Variants in FMN2 observed in about 807,000 individuals in gnomAD.
The protein encoded by FMN2 is formin 2.
Under a neutral mutation model 142.3 loss-of-function variants are expected in FMN2, and 51 were observed. The observed-to-expected ratio is 0.36, with a 90% CI of 0.29 to 0.45. The LOEUF is 0.45. Among genes scored for constraint, FMN2 ranks in the 20% least tolerant of loss-of-function variants. FMN2 has a pLI of 1.00. For synonymous variants in FMN2, 882 were observed against 869.8 expected, an observed-to-expected ratio of 1.01 and a Z score of -0.25; for missense variants, 1,936 against 2,122.8, an observed-to-expected ratio of 0.91 and a Z score of 1.73.
chr1:240,270,040 G>T (rs1237510959), intron 7 of FMN2, among the ~76,000 whole-genome samples: 1 of 151,856 alleles, frequency 6.6e-6, no homozygotes, highest in Non-Finnish European at 1.5e-5. Context: ...TTGCCTAATT[G>T]CTCTGGCTAG....
At chr1:240,098,973 C>T (rs541158337) in intron 1 of FMN2, among the ~76,000 whole-genome samples, 11 of 152,200 alleles carry the variant, frequency 7.2e-5, no homozygotes, top group African/African-American at 2.4e-4. Flanking sequence ...ATTCTAACTA[C>T]GTTTATTCTA....
intron 14 of FMN2, among the ~76,000 whole-genome samples, chr1:240,379,450 G>A (rs1673153737): frequency 6.6e-6 from 1 of 152,060 alleles, no homozygotes; most frequent in Non-Finnish European, 1.5e-5. Flanking sequence ...TTTCTGCAAA[G>A]TATTTCCTCT....
chr1:240,168,521 G>T (rs1664572700), intron 2 of FMN2, among the ~76,000 whole-genome samples: 2 of 152,132 alleles, frequency 1.3e-5, no homozygotes, highest in African/African-American at 4.8e-5. Context: ...CTCAGGAATT[G>T]AAGGCTACAG....
At chr1:240,238,152 AC>A (rs1667769994) in intron 6 of FMN2, among the ~76,000 whole-genome samples, 1 of 152,212 alleles carries the variant, frequency 6.6e-6, no homozygotes, top group Non-Finnish European at 1.5e-5. Context: ...TTTACTTTTA[AC>A]TAAATACCTT....
At chr1:240,210,594 A>C (rs1482168934) in intron 5 of FMN2, among the ~76,000 whole-genome samples, 1 of 152,230 alleles carries the variant, frequency 6.6e-6, no homozygotes, top group Non-Finnish European at 1.5e-5. Flanking sequence ...CTTTTTAAAA[A>C]GATGTGTTTA....
At chr1:240,466,587 G>A (rs1024248792) in intron 16 of FMN2, among the ~76,000 whole-genome samples, 2 of 152,016 alleles carry the variant, frequency 1.3e-5, no homozygotes, top group African/African-American at 4.8e-5. Context: ...ACCTCCCAGG[G>A]GTAGTTCTCT....
intron 14 of FMN2, among the ~76,000 whole-genome samples, chr1:240,358,676 G>A (rs1672359401): frequency 6.6e-6 from 1 of 152,114 alleles, no homozygotes; most frequent in South Asian, 2.1e-4. Context: ...GAAACCATTA[G>A]ATCTCGTGAG....
intron 8 of FMN2, among the ~76,000 whole-genome samples, chr1:240,303,475 T>TA (rs1295885930): frequency 6.6e-6 from 1 of 152,226 alleles, no homozygotes; most frequent in East Asian, 1.9e-4. Context: ...ACTTTGAATA[T>TA]ATCAGACCAC....
intron 1 of FMN2, among the ~76,000 whole-genome samples, chr1:240,108,138 C>T (rs1451282987): frequency 1.3e-5 from 2 of 152,118 alleles, no homozygotes; most frequent in Non-Finnish European, 2.9e-5. Flanking sequence ...TATGTTGGTC[C>T]AAATCCCTTT....
chr1:240,103,455 A>G (rs1284246983), intron 1 of FMN2, among the ~76,000 whole-genome samples: 7 of 152,196 alleles, frequency 4.6e-5, no homozygotes, highest in African/African-American at 1.7e-4. Flanking sequence ...CACCGTGTCT[A>G]AAACTATACT....
At chr1:240,356,308 C>T (rs1232043350) in intron 14 of FMN2, among the ~76,000 whole-genome samples, 2 of 151,946 alleles carry the variant, frequency 1.3e-5, no homozygotes, top group African/African-American at 2.4e-5. Context: ...TTTGGCTTGT[C>T]AAAACATTGT....
chr1:240,394,459 C>T (rs1227549212), intron 15 of FMN2, among the ~76,000 whole-genome samples: 1 of 152,080 alleles, frequency 6.6e-6, no homozygotes, highest in Non-Finnish European at 1.5e-5. Context: ...GAAGTGGGGT[C>T]ATGAAGTTTA....
chr1:240,404,155 A>G (rs1373848694), intron 15 of FMN2, among the ~76,000 whole-genome samples: 2 of 152,214 alleles, frequency 1.3e-5, no homozygotes, highest in Non-Finnish European at 2.9e-5. Context: ...GTATGTAACT[A>G]TTCATTTGTC....
At chr1:240,248,192 G>A (rs545388152) in intron 6 of FMN2, among the ~76,000 whole-genome samples, 25 of 151,968 alleles carry the variant, frequency 1.6e-4, no homozygotes, top group Non-Finnish European at 3.4e-4. Flanking sequence ...GAGTGAGAGT[G>A]TACAATACTT....
intron 6 of FMN2, among the ~76,000 whole-genome samples, chr1:240,220,775 GT>G (rs1321912121): frequency 2.6e-5 from 4 of 151,884 alleles, no homozygotes; most frequent in Admixed American, 6.6e-5. Flanking sequence ...ATGCAGGTTT[GT>G]TACATAGGTA....
chr1:240,211,064 T>G (rs1432475650), intron 5 of FMN2, 27 bp from the exon 6 acceptor site: 1 of 1,588,270 alleles, frequency 6.3e-7, no homozygotes, highest in South Asian at 1.2e-5. Context: ...TTGATGGCTG[T>G]TTTATTGTTC....
At chr1:240,287,704 T>G (rs1471881627) in intron 7 of FMN2, among the ~76,000 whole-genome samples, 1 of 152,212 alleles carries the variant, frequency 6.6e-6, no homozygotes, top group African/African-American at 2.4e-5. Flanking sequence ...ATTATAGGAA[T>G]GTGAAATGGG....
intron 2 of FMN2, among the ~76,000 whole-genome samples, chr1:240,125,145 T>C (rs909379283): frequency 2.0e-5 from 3 of 152,250 alleles, no homozygotes; most frequent in Non-Finnish European, 1.5e-5. Flanking sequence ...CCTGTTCACT[T>C]TGCTTCCTCT....
At chr1:240,097,715 A>T (rs1442145990) in intron 1 of FMN2, among the ~76,000 whole-genome samples, 1 of 152,032 alleles carries the variant, frequency 6.6e-6, no homozygotes, top group Non-Finnish European at 1.5e-5. Flanking sequence ...GACTTTTCTG[A>T]TCAATTTGCA....
Sources: allele counts gnomAD v4.1 joint callset (sites outside exome capture counted in the v4.1 genomes callset), GRCh38; gene constraint gnomAD v4.1.1; transcripts MANE v1.5; gene names NCBI Gene and HGNC (gene_info 2026-07-23, HGNC 2026-07-21).